Variants in CAMTA1 observed in about 807,000 individuals in gnomAD.
The protein encoded by CAMTA1 is calmodulin binding transcription activator 1, also known as calmodulin-binding transcription activator 1.
CAMTA1 carries 27 observed loss-of-function variants against 170.9 expected under a neutral mutation model. The observed-to-expected ratio is 0.16, with a 90% CI of 0.12 to 0.22. The LOEUF (loss-of-function observed/expected upper bound fraction) is 0.22, where lower values mean the gene tolerates loss of function less well. Ranked by LOEUF, CAMTA1 falls within the 10% of genes least tolerant of loss-of-function variation. The pLI is 1.00. For missense variants in CAMTA1, 1,619 were observed against 2,217.2 expected, an observed-to-expected ratio of 0.73 and a Z score of 5.42; for synonymous variants, 833 against 891.5, an observed-to-expected ratio of 0.93 and a Z score of 1.17.
chr1:7,279,461 G>C (rs1359066667), intron 5 of CAMTA1, among the ~76,000 whole-genome samples: 1 of 152,132 alleles, frequency 6.6e-6, no homozygotes, highest in Admixed American at 6.5e-5. Context: ...GAAGCCAGGG[G>C]ACCGGCAGCC....
chr1:7,199,543 C>T (rs527392400), intron 4 of CAMTA1, among the ~76,000 whole-genome samples: 3 of 152,302 alleles, frequency 2.0e-5, no homozygotes, highest in Non-Finnish European at 2.9e-5. Flanking sequence ...TGTCCTTCTC[C>T]GAAGCACCAG....
At chr1:7,079,924 T>A (rs1263979094) in intron 3 of CAMTA1, among the ~76,000 whole-genome samples, 1 of 152,212 alleles carries the variant, frequency 6.6e-6, no homozygotes, top group African/African-American at 2.4e-5. Flanking sequence ...AGTCTGTCAG[T>A]GTAAAATTCC....
intron 3 of CAMTA1, among the ~76,000 whole-genome samples, chr1:6,986,822 G>C (rs1227696645): frequency 1.3e-5 from 2 of 152,038 alleles, no homozygotes; most frequent in East Asian, 3.9e-4. Flanking sequence ...GGAGCTGGGC[G>C]TTGAGTTTCC....
chr1:6,844,850 C>T (rs879168780), intron 3 of CAMTA1, among the ~76,000 whole-genome samples: 28 of 152,192 alleles, frequency 1.8e-4, no homozygotes, highest in Admixed American at 4.6e-4. Flanking sequence ...TTCTAAAGTT[C>T]AAAGAGTCAA....
chr1:7,600,584 T>TAAAC (rs1236135166), intron 6 of CAMTA1, among the ~76,000 whole-genome samples: 1 of 151,614 alleles, frequency 6.6e-6, no homozygotes, highest in South Asian at 2.1e-4. Flanking sequence ...GGTCAGCAGA[T>TAAAC]AAGTGAACAA....
At chr1:7,615,059 G>A (rs1318410563) in intron 6 of CAMTA1, among the ~76,000 whole-genome samples, 4 of 152,248 alleles carry the variant, frequency 2.6e-5, no homozygotes, top group South Asian at 4.2e-4. Flanking sequence ...TCACTCATTC[G>A]TTCATGTGTG....
chr1:7,423,758 A>G (rs538129614), intron 5 of CAMTA1, among the ~76,000 whole-genome samples: 208 of 152,182 alleles, frequency 1.4e-3, no homozygotes, highest in South Asian at 2.5e-3. Flanking sequence ...GCGAAGGAGG[A>G]TGTCGTATGG....
At chr1:7,449,763 C>T (rs1200655417) in intron 5 of CAMTA1, among the ~76,000 whole-genome samples, 14 of 104,146 alleles carry the variant, frequency 1.3e-4, no homozygotes, top group African/African-American at 4.9e-4. Flanking sequence ...GAGCAAGACT[C>T]GGTCTCAAAA....
intron 5 of CAMTA1, among the ~76,000 whole-genome samples, chr1:7,362,005 A>C (rs1450237013): frequency 6.6e-6 from 1 of 152,210 alleles, no homozygotes; most frequent in East Asian, 1.9e-4. Context: ...TAATCCATAC[A>C]TATGTCTTAG....
intron 3 of CAMTA1, among the ~76,000 whole-genome samples, chr1:6,967,879 C>T (rs911564028): frequency 9.9e-5 from 15 of 152,134 alleles, no homozygotes; most frequent in Non-Finnish European, 2.1e-4. Flanking sequence ...TCGGTAGGAT[C>T]CCTGGGTGAC....
In CAMTA1 at chr1:7,063,129, G is replaced by T. The variant is rs66929565; in HGVS notation, c.235-28175G>T. Among the ~76,000 whole-genome samples the T allele has an allele frequency of 0.13, 19,323 of 152,146 alleles. 1,339 individuals carry two copies. The highest frequency in any genetic ancestry group is 0.19 in the African/African-American group (8,042 of 41,486). ...TAAACTGCAGGAGGCAGAAAACGTC[G>T]CCGACTTACTCACCATTGTGTTCCC... On this transcript the variant is annotated intron_variant, in intron 3 of 22. Coordinates refer to ENST00000303635, the MANE Select transcript of CAMTA1 (RefSeq NM_015215.4). This position sits in a 1 kb window ranked among gnomAD's most constrained non-coding sequence, Gnocchi z 4.3.
rs200263919 is a variant in CAMTA1 at position 7,073,940 on chromosome 1, C to T, written c.235-17364C>T. ...TGTAAAATGGAGACAAAGACAACACCTCTATCACAGAGTTACCAGGAAGAT... is the reference window on the plus strand; with the variant it reads ...TGTAAAATGGAGACAAAGACAACACTTCTATCACAGAGTTACCAGGAAGAT... On this transcript the variant is annotated intron_variant, in intron 3 of 22. Transcript: ENST00000303635. Among the ~76,000 whole-genome samples the T allele has an allele frequency of 3.9e-5, 6 of 152,238 alleles. No individual in the cohort carries two copies. In the East Asian group the frequency reaches 1.2e-3, roughly 29 times the overall value.
chr1:7,472,054 G>A (rs1216864859), intron 6 of CAMTA1, among the ~76,000 whole-genome samples: 2 of 152,236 alleles, frequency 1.3e-5, no homozygotes, highest in Non-Finnish European at 2.9e-5. Flanking sequence ...TGAAGCGGGG[G>A]TGTGTCCCCG....
intron 6 of CAMTA1, among the ~76,000 whole-genome samples, chr1:7,535,837 C>CCCCACAGGAACCTGGGGCGCT (rs2094542995): frequency 6.6e-6 from 1 of 152,150 alleles, no homozygotes; most frequent in Non-Finnish European, 1.5e-5. Context: ...GAGGCTTCTA[C>CCCCACAGGAACCTGGGGCGCT]CCCACAGGAA....
At chr1:7,225,705 C>T (rs1460925915) in intron 4 of CAMTA1, among the ~76,000 whole-genome samples, 2 of 152,216 alleles carry the variant, frequency 1.3e-5, no homozygotes, top group Admixed American at 1.3e-4. Context: ...TGCATCAGTC[C>T]CTCTTTGGAG....
intron 11 of CAMTA1, among the ~76,000 whole-genome samples, chr1:7,684,764 G>A (rs1406970463): frequency 6.6e-6 from 1 of 152,184 alleles, no homozygotes; most frequent in East Asian, 1.9e-4. Flanking sequence ...GAGGTTCCCT[G>A]TAGACATGAG....
At chr1:6,914,147 CAG>C (rs1239830982) in intron 3 of CAMTA1, among the ~76,000 whole-genome samples, 1 of 140,780 alleles carries the variant, frequency 7.1e-6, no homozygotes, top group Non-Finnish European at 1.6e-5. Flanking sequence ...TCTTTTTGCC[CAG>C]GCTGGAGTGC....
intron 3 of CAMTA1, among the ~76,000 whole-genome samples, chr1:6,867,277 T>C (rs139897869): frequency 2.8e-4 from 43 of 152,290 alleles, no homozygotes; most frequent in African/African-American, 1.0e-3. Context: ...AAAGTTACAT[T>C]ATTGAGGATA....
rs1419032148 is a variant in CAMTA1, at chr1:7,690,711, GACTC to G, written c.2914+12982_2914+12985del. Among the ~76,000 whole-genome samples the G allele has an allele frequency of 3.1e-4, 47 of 152,358 alleles. 1 individual carries two copies. Among genetic ancestry groups the G allele is most frequent in the African/African-American group, 1.1e-3 (46 of 41,600 alleles). ...GTACTGATGTGTACCCATGTGTAGT[GACTC>G]ACTGAGACTTTCCGGCAACCCGTGA... On this transcript the variant is annotated intron_variant, in intron 11 of 22. Transcript: ENST00000303635.
Sources: gnomAD v4.1 joint callset for allele counts (sites outside exome capture counted in the v4.1 genomes callset) on GRCh38, gnomAD v4.1.1 for gene constraint, Gnocchi (gnomAD v3.1) non-coding constraint, MANE v1.5 for transcripts, NCBI Gene and HGNC (gene_info 2026-07-23, HGNC 2026-07-21) for gene names.